NOSTRIN: variants seen among roughly 807,000 people sequenced by gnomAD.
NOSTRIN encodes BM247 homolog.
In NOSTRIN, 63 loss-of-function variants were observed where a neutral mutation model predicts 59.0. The observed-to-expected ratio is 1.07, with a 90% CI of 0.87 to 1.32. The LOEUF is 1.32. NOSTRIN is among the 40% of genes most tolerant of loss of function. The pLI, the probability that NOSTRIN is intolerant of heterozygous loss-of-function variation, is 0.00. For missense variants in NOSTRIN, 512 were observed against 473.1 expected (o/e 1.08, Z -0.76); for synonymous variants, 200 against 165.4 (o/e 1.21, Z -1.61).
intron 2 of NOSTRIN, among the ~76,000 whole-genome samples, chr2:168,789,571 T>G (rs1411869599): frequency 6.6e-6 from 1 of 152,102 alleles, no homozygotes; most frequent in Non-Finnish European, 1.5e-5. Context: ...GAGATTTGGG[T>G]GGGGACAGAG....
At chr2:168,788,257 A>G (rs922832744) in intron 2 of NOSTRIN, among the ~76,000 whole-genome samples, 1 of 147,766 alleles carries the variant, frequency 6.8e-6, no homozygotes, top group African/African-American at 2.4e-5. Context: ...AAAAAAAAAA[A>G]GATGATGATA....
At chr2:168,801,929 A>T (rs1685626149), upstream of NOSTRIN, among the ~76,000 whole-genome samples, 1 of 152,200 alleles carries the variant, frequency 6.6e-6, no homozygotes, top group South Asian at 2.1e-4. Context: ...GTGTGGAGTT[A>T]GGCTCAGAGA....
chr2:168,817,247 G>A (rs1165509096), intron 2 of NOSTRIN, among the ~76,000 whole-genome samples: 1 of 152,200 alleles, frequency 6.6e-6, no homozygotes, highest in African/African-American at 2.4e-5. Context: ...ACTGCCCTGG[G>A]TGACCCAACA....
chr2:168,863,793 C>G, intron 15 of NOSTRIN: 1 of 322,784 alleles, frequency 3.1e-6, no homozygotes, highest in Non-Finnish European at 4.5e-6. Context: ...ATCAAAAACA[C>G]CAGCATGTGA....
At chr2:168,846,234 G>T (rs1394134622) in intron 8 of NOSTRIN, among the ~76,000 whole-genome samples, 1 of 152,176 alleles carries the variant, frequency 6.6e-6, no homozygotes, top group Non-Finnish European at 1.5e-5. Context: ...AACAAAAACA[G>T]CCTGAATTGA....
In NOSTRIN at chr2:168,831,428, C is replaced by T. The variant is rs375126825; in HGVS notation, c.343-44C>T. 9.4e-5 allele frequency: 80 copies of T among 847,538 alleles called. No individual in the cohort carries two copies. In the African/African-American group the frequency reaches 1.3e-3, roughly 13 times the overall value. 52.5% of individuals were successfully genotyped at this position (847,538 alleles called of 1,614,324 possible). On this transcript the variant is annotated intron_variant, in intron 5 of 15. Coordinates refer to ENST00000317647, the MANE Select transcript of NOSTRIN (RefSeq NM_001039724.4). ...CATTTAGTCTATTACAGCAACTAAA[C>T]AAGAAGAAAGCAAAGCTTTGTTTCC...
intron 7 of NOSTRIN, among the ~76,000 whole-genome samples, chr2:168,839,869 A>G (rs1262607131): frequency 9.0e-6 from 1 of 110,608 alleles, no homozygotes; most frequent in Non-Finnish European, 1.8e-5. Flanking sequence ...CTGGCCGACC[A>G]GAGAGACTCC....
chr2:168,837,298 ATC>A (rs987922422), intron 7 of NOSTRIN, among the ~76,000 whole-genome samples: 32 of 84,548 alleles, frequency 3.8e-4, no homozygotes, highest in African/African-American at 1.2e-3. Context: ...CTTTTTTAAC[ATC>A]TTTTTTTTTT....
intron 15 of NOSTRIN, among the ~76,000 whole-genome samples, chr2:168,864,522 T>C (rs1346833707): frequency 6.6e-6 from 1 of 152,148 alleles, no homozygotes; most frequent in African/African-American, 2.4e-5. Context: ...CCTGACCTTG[T>C]GATCCACCCA....
intron 13 of NOSTRIN, 52 bp from the exon 14 acceptor site, chr2:168,860,743 A>C (rs1481952316): frequency 1.7e-5 from 19 of 1,101,296 alleles, no homozygotes; most frequent in Non-Finnish European, 2.5e-5. Context: ...ATTTTCATGA[A>C]TGTTTATGAT....
chr2:168,791,220 C>A (rs1004919318), intron 2 of NOSTRIN, among the ~76,000 whole-genome samples: 1 of 152,120 alleles, frequency 6.6e-6, no homozygotes, highest in African/African-American at 2.4e-5. Flanking sequence ...TCAATTCCCA[C>A]CTGTGAGTGA....
chr2:168,841,338 CTTTG>C (rs1355424674), intron 7 of NOSTRIN, among the ~76,000 whole-genome samples: 6 of 150,990 alleles, frequency 4.0e-5, no homozygotes, highest in African/African-American at 1.5e-4. Context: ...AATCCAACTT[CTTTG>C]TTTTTCAGAA....
At chr2:168,786,867 A>G (rs531817134) in intron 1 of NOSTRIN, 1 of 152,226 alleles carries the variant, frequency 6.6e-6, no homozygotes, top group Admixed American at 6.5e-5. Flanking sequence ...AGCTGGGACT[A>G]CAGGCGCCCG....
At chr2:168,798,802 G>GATCC (rs1157708570), upstream of NOSTRIN, among the ~76,000 whole-genome samples, 1 of 40,664 alleles carries the variant, frequency 2.5e-5, no homozygotes, top group Non-Finnish European at 5.1e-5. Flanking sequence ...TGCTTCGATC[G>GATCC]ATCGATCGAT....
At chr2:168,864,567 C>G (rs1361660836) in intron 15 of NOSTRIN, among the ~76,000 whole-genome samples, 5 of 152,154 alleles carry the variant, frequency 3.3e-5, no homozygotes, top group Admixed American at 6.6e-5. Flanking sequence ...TTACAGGCGT[C>G]ACCCACCACG....
chr2:168,852,146 A>G (rs568720698), intron 10 of NOSTRIN, among the ~76,000 whole-genome samples: 321 of 152,326 alleles, frequency 2.1e-3, no homozygotes, highest in Non-Finnish European at 3.9e-3. Context: ...TCTATTTGCT[A>G]GAAGCAAGTC....
At chr2:168,860,769 T>G in intron 13 of NOSTRIN, 26 bp from the exon 14 acceptor site, 1 of 1,361,076 alleles carries the variant, frequency 7.3e-7, no homozygotes, top group Non-Finnish European at 1.0e-6. Flanking sequence ...TGTTACAAAA[T>G]ATGACTTTTT....
At chr2:168,794,245 A>G (rs575077615), upstream of NOSTRIN, among the ~76,000 whole-genome samples, 1 of 152,332 alleles carries the variant, frequency 6.6e-6, no homozygotes, top group East Asian at 1.9e-4. Flanking sequence ...AATGCTACAG[A>G]GAGGCAAAAT....
intron 2 of NOSTRIN, among the ~76,000 whole-genome samples, chr2:168,791,745 A>G (rs990022420): frequency 3.8e-5 from 3 of 78,936 alleles, no homozygotes; most frequent in African/African-American, 5.6e-5. Flanking sequence ...ATGGCCAGTG[A>G]CGGTTTTTTT....
Sources: gnomAD v4.1 joint callset for allele counts (sites outside exome capture counted in the v4.1 genomes callset) on GRCh38, gnomAD v4.1.1 for gene constraint, MANE v1.5 for transcripts, NCBI Gene and HGNC (gene_info 2026-07-23, HGNC 2026-07-21) for gene names.